The following CDK14 variants were observed in gnomAD, a reference collection of about 807,000 sequenced individuals.
The protein encoded by CDK14 is cyclin dependent kinase 14.
A neutral mutation model predicts 60.7 loss-of-function variants in CDK14; 34 were observed. The ratio of observed to expected loss-of-function variants is 0.56; its 90% CI spans 0.43 to 0.75. The LOEUF is 0.75. CDK14 is among the 30% of genes least tolerant of loss of function. CDK14 has a pLI of 0.00. For missense variants in CDK14, 482 were observed against 564.1 expected, an observed-to-expected ratio of 0.85 and a Z score of 1.47; for synonymous variants, 197 against 203.7, an observed-to-expected ratio of 0.97 and a Z score of 0.28.
intron 6 of CDK14, among the ~76,000 whole-genome samples, chr7:90,868,443 A>T (rs1002734208): frequency 6.6e-6 from 1 of 152,018 alleles, no homozygotes; most frequent in Non-Finnish European, 1.5e-5. Context: ...TACATTAAGT[A>T]TATACAGTCA....
chr7:90,721,644 T>G (rs1403295038), intron 2 of CDK14, among the ~76,000 whole-genome samples: 1 of 152,172 alleles, frequency 6.6e-6, no homozygotes, highest in African/African-American at 2.4e-5. Context: ...ATTTCTTCCT[T>G]TCCTTACTGG....
At chr7:90,638,586 T>A (rs539710621) in intron 2 of CDK14, among the ~76,000 whole-genome samples, 1 of 152,192 alleles carries the variant, frequency 6.6e-6, no homozygotes, top group African/African-American at 2.4e-5. Flanking sequence ...TTTCAACTTT[T>A]GTGAATCTGA....
intron 4 of CDK14, among the ~76,000 whole-genome samples, chr7:90,759,900 T>C (rs1804248045): frequency 6.6e-6 from 1 of 152,210 alleles, no homozygotes; most frequent in Admixed American, 6.5e-5. Context: ...TCTGTTGAGG[T>C]GAAGATGCCA....
intron 6 of CDK14, among the ~76,000 whole-genome samples, chr7:90,866,233 T>C (rs199863382): frequency 2.2e-3 from 312 of 140,316 alleles, no homozygotes; most frequent in Middle Eastern, 0.014. Flanking sequence ...CACATACACA[T>C]ACACACACAC....
chr7:90,668,918 G>C (rs1301743262), intron 2 of CDK14, among the ~76,000 whole-genome samples: 1 of 151,130 alleles, frequency 6.6e-6, no homozygotes, highest in African/African-American at 2.4e-5. Flanking sequence ...TTTTATTAGA[G>C]ACGGGGTCTC....
chr7:91,024,860 A>G (rs1168351646), intron 10 of CDK14, among the ~76,000 whole-genome samples: 1 of 152,158 alleles, frequency 6.6e-6, no homozygotes, highest in African/African-American at 2.4e-5. Context: ...TGTCTTTAGT[A>G]TGTGATGTGA....
chr7:90,689,085 C>G (rs753283824), intron 2 of CDK14, among the ~76,000 whole-genome samples: 2 of 152,120 alleles, frequency 1.3e-5, no homozygotes, highest in Non-Finnish European at 2.9e-5. Flanking sequence ...AGTTTTCAGA[C>G]AAGTCAGCAG....
At chr7:90,664,669 C>T (rs1227942057) in intron 2 of CDK14, among the ~76,000 whole-genome samples, 1 of 152,000 alleles carries the variant, frequency 6.6e-6, no homozygotes, top group Non-Finnish European at 1.5e-5. Flanking sequence ...AACCATCATT[C>T]TCAGCAAACT....
In CDK14 at chr7:90,850,392, G is replaced by T. The variant is rs144181433; in HGVS notation, c.545-12783G>T. ...ATTGAGTGCTATGGGCACAGCAGGAGTAAGTGTAAATAATGAGTGAGTGGG... is the reference window on the plus strand; with the variant it reads ...ATTGAGTGCTATGGGCACAGCAGGATTAAGTGTAAATAATGAGTGAGTGGG... On this transcript the variant is annotated intron_variant, in intron 5 of 14. Coordinates refer to ENST00000380050, the MANE Select transcript of CDK14 (RefSeq NM_001287135.2). 4.6e-5 allele frequency among the ~76,000 whole-genome samples: 7 copies of T among 152,290 alleles called. No homozygotes were observed. The East Asian group carries it at 1.2e-3, about 25-fold the overall frequency.
chr7:90,673,956 C>T (rs1801148970), intron 2 of CDK14, among the ~76,000 whole-genome samples: 1 of 152,174 alleles, frequency 6.6e-6, no homozygotes, highest in Admixed American at 6.5e-5. Flanking sequence ...CATATGTACA[C>T]ACCACTTACA....
At chr7:90,846,912 G>A (rs1452430210) in intron 5 of CDK14, among the ~76,000 whole-genome samples, 1 of 152,086 alleles carries the variant, frequency 6.6e-6, no homozygotes, top group Non-Finnish European at 1.5e-5. Flanking sequence ...CTTTCTGGTT[G>A]GTCCAGTCCA....
intron 2 of CDK14, among the ~76,000 whole-genome samples, chr7:90,714,837 AC>A (rs890439322): frequency 2.0e-5 from 3 of 152,120 alleles, no homozygotes; most frequent in Non-Finnish European, 2.9e-5. Context: ...CACTAATAAT[AC>A]ATTTATATTT....
intron 11 of CDK14, among the ~76,000 whole-genome samples, chr7:91,058,274 T>C (rs547909994): frequency 6.6e-6 from 1 of 152,128 alleles, no homozygotes; most frequent in African/African-American, 2.4e-5. Flanking sequence ...GAGACTTTGC[T>C]GAAGTTGCTT....
chr7:91,177,632 G>C (rs1469923031), intron 14 of CDK14, among the ~76,000 whole-genome samples: 1 of 151,628 alleles, frequency 6.6e-6, no homozygotes, highest in Non-Finnish European at 1.5e-5. Flanking sequence ...CAAAATCAAC[G>C]TACAAAAATC....
chr7:91,098,527 G>GA (rs35620677), intron 12 of CDK14, among the ~76,000 whole-genome samples: 106 of 133,816 alleles, frequency 7.9e-4, no homozygotes, highest in African/African-American at 1.8e-3. Context: ...GAAAGAAAGA[G>GA]AAAAAAAAAA....
chr7:90,811,273 A>G (rs1380019216), intron 5 of CDK14, among the ~76,000 whole-genome samples: 1 of 152,110 alleles, frequency 6.6e-6, no homozygotes, highest in Non-Finnish European at 1.5e-5. Flanking sequence ...ACAGAGATAT[A>G]GACCAATGGA....
rs117442616 is a variant in CDK14, at chr7:90,978,493, A to G, written c.948-5655A>G. 2.0e-3 allele frequency among the ~76,000 whole-genome samples: 311 copies of G among 152,258 alleles called. 7 individuals carry two copies. In the East Asian group the frequency reaches 0.049, roughly 24 times the overall value. On this transcript the variant is annotated intron_variant, in intron 9 of 14. Coordinates refer to ENST00000380050, the MANE Select transcript of CDK14 (RefSeq NM_001287135.2). ...GTTTATAAAATTAAATTTAATAGGTAAAATTTTCTAATGTTTATAAAATAA... is the reference window on the plus strand; with the variant it reads ...GTTTATAAAATTAAATTTAATAGGTGAAATTTTCTAATGTTTATAAAATAA...
intron 5 of CDK14, among the ~76,000 whole-genome samples, chr7:90,797,970 A>T (rs980013664): frequency 1.3e-5 from 2 of 151,946 alleles, no homozygotes; most frequent in Non-Finnish European, 2.9e-5. Flanking sequence ...ATGTCACCCT[A>T]CTTGCAAAAA....
At chr7:91,072,812 A>G (rs1470356334) in intron 11 of CDK14, among the ~76,000 whole-genome samples, 2 of 152,136 alleles carry the variant, frequency 1.3e-5, no homozygotes, top group Non-Finnish European at 2.9e-5. Flanking sequence ...TAACCAGTTT[A>G]GACAGGAACA....
Sources: gnomAD v4.1 joint callset for allele counts (sites outside exome capture counted in the v4.1 genomes callset) on GRCh38, gnomAD v4.1.1 for gene constraint, MANE v1.5 for transcripts, NCBI Gene and HGNC (gene_info 2026-07-23, HGNC 2026-07-21) for gene names.